PREX1: variants seen among roughly 807,000 people sequenced by gnomAD.
PREX1 encodes phosphatidylinositol 3,4,5-trisphosphate-dependent Rac exchanger 1 protein.
A neutral mutation model predicts 198.3 loss-of-function variants in PREX1; 41 were observed. That is an observed-to-expected ratio of 0.21 (90% CI 0.16 to 0.27). The LOEUF is 0.27. Ranked by LOEUF, PREX1 falls within the 10% of genes least tolerant of loss-of-function variation. PREX1 has a pLI of 1.00. For synonymous variants in PREX1, 843 were observed against 887.2 expected (o/e 0.95, Z 0.89); for missense variants, 1,620 against 2,200.7 (o/e 0.74, Z 5.28).
chr20:48,634,765 C>T lies in PREX1; in HGVS notation c.4178G>A (p.Arg1393Gln), dbSNP rs201399202. 5 of 1,614,064 alleles carry T rather than the reference C, an allele frequency of 3.1e-6. No homozygotes were observed. Among genetic ancestry groups the T allele is most frequent in the East Asian group, 4.5e-5 (2 of 44,882 alleles). Residue 1393 changes from arginine to glutamine, a missense_variant, in exon 33 of 40, where the codon CGG becomes CAG. Arg to Gln is a conservative substitution (Grantham distance 43). This residue lies in a region of PREX1 where 476 missense variants were observed against 603.4 expected (regional missense o/e 0.79). Coordinates refer to ENST00000371941, the MANE Select transcript of PREX1 (RefSeq NM_020820.4). ...CACCCAGATGTCCTCCAGCATGGTC[C>T]GTTCCTCCTTCTGCAGGAAGAAGAC... Reference protein sequence around the residue: ...LLSPATVKEERTMLEDIWVTL... With the variant: ...LLSPATVKEEQTMLEDIWVTL...
At chr20:48,630,845 C>T in intron 35 of PREX1, 51 bp from the exon 36 acceptor site, 1 of 1,389,762 alleles carries the variant, frequency 7.2e-7, no homozygotes, top group Non-Finnish European at 1.0e-6. Flanking sequence ...CCACCATCCT[C>T]CTGCCCCTAC....
intron 5 of PREX1, among the ~76,000 whole-genome samples, chr20:48,720,831 C>T (rs958930538): frequency 6.6e-6 from 1 of 152,042 alleles, no homozygotes. Flanking sequence ...GAGGTAACAG[C>T]CGAATGACAA....
chr20:48,728,327 G>A (rs1004579792), intron 4 of PREX1, among the ~76,000 whole-genome samples: 4 of 152,226 alleles, frequency 2.6e-5, no homozygotes, highest in Non-Finnish European at 4.4e-5. Context: ...GAAAGTTCAT[G>A]CCGAAAGCCT....
At chr20:48,697,378 T>C (rs1412242915) in intron 7 of PREX1, among the ~76,000 whole-genome samples, 2 of 124,618 alleles carry the variant, frequency 1.6e-5, no homozygotes, top group Non-Finnish European at 3.2e-5. Context: ...GTTCTTTTTT[T>C]CTTTTCTTTT....
At chr20:48,638,681 C>A (rs1369877625) in intron 30 of PREX1, among the ~76,000 whole-genome samples, 1 of 151,846 alleles carries the variant, frequency 6.6e-6, no homozygotes, top group African/African-American at 2.4e-5. Context: ...CAGGCCAGAA[C>A]TCACCACACC....
In PREX1 at chr20:48,637,733, G is replaced by A. The variant is rs748633622; in HGVS notation, c.3924C>T (p.Leu1308=). ...CACCTGTGCACTTCAGCAAGGCCAG[G>A]AGCAGCTGGTTCTTCCCATCTGGAA... The part of the protein sequence containing the change: ...RYVEDGKNQL[L]LALLKCTDTE... Residue 1308 remains leucine (L), a synonymous_variant, in exon 31 of 40, where the codon CTC becomes CTT. Transcript: ENST00000371941. 80 of 1,612,258 alleles carry A rather than the reference G, an allele frequency of 5.0e-5. No individual in the cohort carries two copies. The highest frequency in any genetic ancestry group is 6.2e-5 in the Non-Finnish European group (73 of 1,179,468).
At chr20:48,731,868 G>C (rs542678973) in intron 4 of PREX1, among the ~76,000 whole-genome samples, 1 of 152,216 alleles carries the variant, frequency 6.6e-6, no homozygotes, top group South Asian at 2.1e-4. Context: ...AAGAAAGAAA[G>C]AAGTCAGTCC....
intron 10 of PREX1, among the ~76,000 whole-genome samples, chr20:48,683,806 G>A (rs1386466514): frequency 6.6e-6 from 1 of 152,154 alleles, no homozygotes; most frequent in Non-Finnish European, 1.5e-5. Flanking sequence ...CGTGGGCCGA[G>A]GAAAACATGT....
chr20:48,647,049 G>A (rs1334919188), intron 25 of PREX1, among the ~76,000 whole-genome samples: 1 of 151,962 alleles, frequency 6.6e-6, no homozygotes, highest in African/African-American at 2.4e-5. Flanking sequence ...AAGACCAGCT[G>A]TGAGACCGCA....
At chr20:48,876,011 G>C in the PREX1 span, among the ~76,000 whole-genome samples, 2 of 152,174 alleles carry the variant, frequency 1.3e-5, no homozygotes, top group South Asian at 4.1e-4. Flanking sequence ...GAACGAGGGA[G>C]TGGCCTGATC....
At position 48,684,554 on chromosome 20, in the gene PREX1, G is replaced by A. The variant is rs1286391947; in HGVS notation, c.1335-3219C>T. Reference sequence around the variant, plus strand: ...CTGAACAGCATCTAATCTCTGCCAAGGGTGAAACCCAAGGCCTTCGTCCAG... The same window carrying A: ...CTGAACAGCATCTAATCTCTGCCAAAGGTGAAACCCAAGGCCTTCGTCCAG... On this transcript the variant is annotated intron_variant, in intron 10 of 39. Transcript: ENST00000371941. This position sits in a 1 kb window ranked among gnomAD's most constrained non-coding sequence, Gnocchi z 4.2. Among the ~76,000 whole-genome samples the A allele has an allele frequency of 6.6e-6, 1 of 152,230 alleles. No homozygotes were observed. Among genetic ancestry groups the A allele is most frequent in the Non-Finnish European group, 1.5e-5 (1 of 68,032 alleles).
In PREX1 at chr20:48,776,752, G is replaced by T. The variant is rs550119676; in HGVS notation, c.220-28872C>A. Among the ~76,000 whole-genome samples, 15 of 152,336 alleles carry T rather than the reference G, an allele frequency of 9.8e-5. No homozygotes were observed. In the South Asian group the frequency reaches 3.1e-3, roughly 32 times the overall value. On this transcript the variant is annotated intron_variant, in intron 1 of 39. Coordinates refer to ENST00000371941, the MANE Select transcript of PREX1 (RefSeq NM_020820.4). Reference sequence around the variant, plus strand: ...TGCCTACTATGCGGGCACACGTGAAGATTCAGCATTAACACAAAAAATCAG... The same window carrying T: ...TGCCTACTATGCGGGCACACGTGAATATTCAGCATTAACACAAAAAATCAG...
intron 1 of PREX1, among the ~76,000 whole-genome samples, chr20:48,788,153 C>T (rs1470851503): frequency 2.0e-5 from 3 of 152,240 alleles, no homozygotes; most frequent in East Asian, 1.9e-4. Context: ...TTCTGTAAGC[C>T]GGGAACATTT....
chr20:48,666,308 C>T lies in PREX1; in HGVS notation c.1713G>A (p.Leu571=). The change falls in exon 15 of 40, where the codon CTG becomes CTA. Residue 571 remains leucine, a synonymous_variant. Coordinates refer to ENST00000371941, the MANE Select transcript of PREX1 (RefSeq NM_020820.4). The surrounding 1 kb of genome is among the most constrained non-coding windows in gnomAD (Gnocchi z 4.3). The part of the protein sequence containing the change: ...REEAVALGVG[L]CNNGFMHHVL... ...CGTGGTGCATGAAGCCATTGTTGCA[C>T]AGACCCACGCCGAGCGCCACTGCCT... 2 of 1,570,886 alleles carry T rather than the reference C, an allele frequency of 1.3e-6. No individual in the cohort carries two copies. Among genetic ancestry groups the T allele is most frequent in the Non-Finnish European group, 1.7e-6 (2 of 1,158,360 alleles).
intron 1 of PREX1, among the ~76,000 whole-genome samples, chr20:48,780,823 TC>T (rs2122921997): frequency 6.6e-6 from 1 of 152,144 alleles, no homozygotes; most frequent in Admixed American, 6.5e-5. Context: ...TCAAAGAATC[TC>T]CCCCAAAATG....
chr20:48,831,770 G>A (rs1489209267), upstream of PREX1, among the ~76,000 whole-genome samples: 1 of 152,202 alleles, frequency 6.6e-6, no homozygotes, highest in Non-Finnish European at 1.5e-5. Context: ...GCACCTCCAG[G>A]ACTCTGCCTC....
chr20:48,637,370 C>T (rs538128053), intron 31 of PREX1, among the ~76,000 whole-genome samples: 2 of 152,350 alleles, frequency 1.3e-5, no homozygotes, highest in African/African-American at 4.8e-5. Flanking sequence ...CTCCCGCTAC[C>T]TCCTCCCCCT....
upstream of PREX1, among the ~76,000 whole-genome samples, chr20:48,828,949 G>A (rs1462762411): frequency 1.3e-5 from 2 of 152,212 alleles, no homozygotes; most frequent in East Asian, 1.9e-4. Context: ...AGAGTCAGCT[G>A]CTCAGGTTCA....
At chr20:48,841,703 C>T in the PREX1 span, among the ~76,000 whole-genome samples, 6 of 152,286 alleles carry the variant, frequency 3.9e-5, no homozygotes, top group African/African-American at 1.2e-4. Context: ...GAACCGCAGC[C>T]GGCTGTAGAC....
Sources: allele counts gnomAD v4.1 joint callset (sites outside exome capture counted in the v4.1 genomes callset), GRCh38; gene constraint gnomAD v4.1.1; regional missense constraint gnomAD v4.1.1; non-coding constraint Gnocchi (gnomAD v3.1); transcripts MANE v1.5; gene names NCBI Gene and HGNC (gene_info 2026-07-23, HGNC 2026-07-21).